CSMD1: variants seen among roughly 807,000 people sequenced by gnomAD.
CSMD1 encodes CUB and sushi domain-containing protein 1.
Under a neutral mutation model 417.5 loss-of-function variants are expected in CSMD1, and 213 were observed. The observed-to-expected ratio is 0.51, with a 90% CI of 0.46 to 0.57. CSMD1 has a LOEUF of 0.57. Among genes scored for constraint, CSMD1 ranks in the 20% least tolerant of loss-of-function variants. The probability of loss-of-function intolerance (pLI) is 0.00; values close to 1 mark genes in which losing one functional copy is unlikely to be tolerated. For missense variants in CSMD1, 6,923 were observed against 4,529.7 expected (o/e 1.53, Z -15.17); for synonymous variants, 2,862 against 1,736.8 (o/e 1.65, Z -16.11).
intron 34 of CSMD1, 42 bp from the exon 35 acceptor site, chr8:3,189,053 G>T (rs770160744): frequency 6.3e-7 from 1 of 1,581,788 alleles, no homozygotes; most frequent in South Asian, 1.2e-5. Flanking sequence ...AGTGCTGTGG[G>T]ACAGTGTTGA....
chr8:3,121,493 A>G (rs1645377111), intron 41 of CSMD1, among the ~76,000 whole-genome samples: 1 of 152,186 alleles, frequency 6.6e-6, no homozygotes, highest in South Asian at 2.1e-4. Context: ...AATTCCTCCC[A>G]GAGCGGGAGA....
chr8:3,754,163 G>T, intron 5 of CSMD1, 121 bp from the exon 6 acceptor site: 1 of 574,028 alleles, frequency 1.7e-6, no homozygotes, highest in Non-Finnish European at 3.2e-6. Context: ...TAAAACAGAG[G>T]CCATGTATTA....
At chr8:4,769,655 G>C (rs1360482462) in intron 1 of CSMD1, among the ~76,000 whole-genome samples, 1 of 152,108 alleles carries the variant, frequency 6.6e-6, no homozygotes, top group Non-Finnish European at 1.5e-5. Context: ...AGAAACGGGA[G>C]GCTTGGAAAG....
chr8:3,697,077 C>T (rs998793369), intron 7 of CSMD1, among the ~76,000 whole-genome samples: 1 of 152,136 alleles, frequency 6.6e-6, no homozygotes, highest in African/African-American at 2.4e-5. Flanking sequence ...CTCCTGATGC[C>T]ATGAATAACT....
intron 1 of CSMD1, among the ~76,000 whole-genome samples, chr8:4,860,671 C>G (rs1163717003): frequency 6.6e-6 from 1 of 152,116 alleles, no homozygotes; most frequent in African/African-American, 2.4e-5. Flanking sequence ...CACCTACTCA[C>G]AATGTTTGAA....
intron 11 of CSMD1, among the ~76,000 whole-genome samples, chr8:3,491,366 C>T (rs985420962): frequency 3.9e-4 from 59 of 152,196 alleles, no homozygotes; most frequent in African/African-American, 1.4e-3. Context: ...CCCAAATTCC[C>T]AGGATTATAG....
intron 3 of CSMD1, among the ~76,000 whole-genome samples, chr8:4,283,198 T>A (rs1025890020): frequency 5.9e-5 from 9 of 152,326 alleles, no homozygotes. Context: ...AAAAATTATA[T>A]ATGAATATGA....
At chr8:4,784,502 T>C (rs1797304291) in intron 1 of CSMD1, among the ~76,000 whole-genome samples, 1 of 152,220 alleles carries the variant, frequency 6.6e-6, no homozygotes, top group African/African-American at 2.4e-5. Flanking sequence ...AGACCAAATA[T>C]CTTCACTGGA....
intron 2 of CSMD1, among the ~76,000 whole-genome samples, chr8:4,425,088 A>G (rs1797469363): frequency 6.6e-6 from 1 of 152,092 alleles, no homozygotes; most frequent in African/African-American, 2.4e-5. Flanking sequence ...TTTTACATAT[A>G]TATTCGCCTA....
At chr8:3,677,175 TAAAAG>T (rs1171718057) in intron 7 of CSMD1, among the ~76,000 whole-genome samples, 5 of 151,912 alleles carry the variant, frequency 3.3e-5, no homozygotes, top group African/African-American at 9.7e-5. Context: ...AAAATAAAAA[TAAAAG>T]AAACACGTAT....
intron 8 of CSMD1, among the ~76,000 whole-genome samples, chr8:3,601,344 G>A (rs2449173): frequency 0.87 from 131,902 of 152,260 alleles, 57,936 homozygotes; most frequent in Non-Finnish European, 0.95. Context: ...GCTGTAGAAG[G>A]CAGCAGATAC....
intron 5 of CSMD1, among the ~76,000 whole-genome samples, chr8:3,909,211 G>C (rs1034597220): frequency 6.6e-6 from 1 of 152,198 alleles, no homozygotes; most frequent in Non-Finnish European, 1.5e-5. Flanking sequence ...GGCTGAGACA[G>C]TTATCCTCTC....
intron 1 of CSMD1, among the ~76,000 whole-genome samples, chr8:4,642,166 G>A (rs906710216): frequency 6.6e-6 from 1 of 152,202 alleles, no homozygotes; most frequent in African/African-American, 2.4e-5. Flanking sequence ...GGAGCCTATA[G>A]GACTACTTGT....
At chr8:3,453,458 A>C (rs1209900609) in intron 12 of CSMD1, among the ~76,000 whole-genome samples, 1 of 151,930 alleles carries the variant, frequency 6.6e-6, no homozygotes, top group Non-Finnish European at 1.5e-5. Context: ...TAGTGCTATA[A>C]ATTTCCCTCT....
intron 3 of CSMD1, among the ~76,000 whole-genome samples, chr8:4,182,692 T>G (rs17069232): frequency 4.6e-5 from 7 of 152,124 alleles, no homozygotes; most frequent in African/African-American, 1.4e-4. Flanking sequence ...CCCGATTAAT[T>G]TGAAGCTTTA....
intron 21 of CSMD1, among the ~76,000 whole-genome samples, chr8:3,354,940 T>C (rs368359611): frequency 4.5e-5 from 3 of 66,772 alleles, no homozygotes; most frequent in Admixed American, 1.4e-4. Context: ...TATAGATATA[T>C]ATAGAGAGAC....
chr8:4,189,610 A>ATGGCAAAGACCCC (rs1191062413), intron 3 of CSMD1, among the ~76,000 whole-genome samples: 1 of 152,210 alleles, frequency 6.6e-6, no homozygotes, highest in Non-Finnish European at 1.5e-5. Flanking sequence ...TTTTTGGAAA[A>ATGGCAAAGACCCC]TGGCAAAGAC....
chr8:3,621,178 G>A (rs925920786), intron 7 of CSMD1, among the ~76,000 whole-genome samples: 1 of 152,196 alleles, frequency 6.6e-6, no homozygotes, highest in African/African-American at 2.4e-5. Context: ...TTGTGGTAAA[G>A]TGAATTTCTG....
intron 1 of CSMD1, among the ~76,000 whole-genome samples, chr8:4,886,623 C>T (rs1803758686): frequency 6.6e-6 from 1 of 151,812 alleles, no homozygotes; most frequent in Non-Finnish European, 1.5e-5. Context: ...ACTGTGATGC[C>T]TGGGGTTTCC....
Sources: allele counts gnomAD v4.1 joint callset (sites outside exome capture counted in the v4.1 genomes callset), GRCh38; gene constraint gnomAD v4.1.1; transcripts MANE v1.5; gene names NCBI Gene and HGNC (gene_info 2026-07-23, HGNC 2026-07-21).